The following CTNNA3 variants were observed in gnomAD, a reference collection of about 807,000 sequenced individuals.
The protein encoded by CTNNA3 is catenin alpha-3.
In CTNNA3, 76 loss-of-function variants were observed where a neutral mutation model predicts 95.7. That is an observed-to-expected ratio of 0.79 (90% CI 0.66 to 0.96). The LOEUF is 0.96. CTNNA3 is among the 40% of genes least tolerant of loss of function. The pLI, the probability that CTNNA3 is intolerant of heterozygous loss-of-function variation, is 0.00. For synonymous variants in CTNNA3, 431 were observed against 374.4 expected (o/e 1.15, Z -1.74); for missense variants, 1,191 against 1,089.8 (o/e 1.09, Z -1.31).
rs781242376 is a variant in CTNNA3 at position 67,160,361 on chromosome 10, G to A, written c.1047+19956C>T. Among the ~76,000 whole-genome samples, 11 of 150,818 alleles carry A rather than the reference G, an allele frequency of 7.3e-5. No homozygotes were observed. The South Asian group carries it at 1.5e-3, about 20-fold the overall frequency. On this transcript the variant is annotated intron_variant, in intron 7 of 17. Coordinates refer to ENST00000433211, the MANE Select transcript of CTNNA3 (RefSeq NM_013266.4). Reference sequence around the variant, plus strand: ...AAATACTATATGATCCAGCAATCCCGCATTTGGGTTTATACATGAAGAAAA... The same window carrying A: ...AAATACTATATGATCCAGCAATCCCACATTTGGGTTTATACATGAAGAAAA...
At chr10:66,211,029 C>T (rs67264974) in intron 13 of CTNNA3, among the ~76,000 whole-genome samples, 7,681 of 152,216 alleles carry the variant, frequency 0.05, 271 homozygotes, top group African/African-American at 0.078. Flanking sequence ...AGGGAAGCAA[C>T]GTTTTGGGAA....
intron 13 of CTNNA3, among the ~76,000 whole-genome samples, chr10:66,199,795 ATATATATATATTTTTTTTTT>A (rs2087246383): frequency 1.3e-4 from 2 of 15,776 alleles, no homozygotes; most frequent in Non-Finnish European, 2.7e-4. Context: ...ATATATATAT[ATATATATATATTTTTTTTTT>A]TTTTTTTTTT....
At chr10:66,081,865 C>A (rs1341493340) in intron 14 of CTNNA3, among the ~76,000 whole-genome samples, 1 of 152,108 alleles carries the variant, frequency 6.6e-6, no homozygotes, top group Non-Finnish European at 1.5e-5. Context: ...GCCTGTAATC[C>A]CAGCACTTTG....
chr10:67,520,233 C>T (rs1052905333), intron 5 of CTNNA3, among the ~76,000 whole-genome samples: 2 of 152,146 alleles, frequency 1.3e-5, no homozygotes, highest in Non-Finnish European at 1.5e-5. Context: ...TATGTATACA[C>T]TCCATGTGCT....
Position 67,743,224 on chromosome 10 carries a change from T to C in CTNNA3, c.-2+20210A>G, listed in dbSNP as rs956068025. ...AAAAGAGAATTTTAGACCAATATCC[T>C]TGATGAACATTGATGCAAAAATCCT... On this transcript the variant is annotated intron_variant, in intron 1 of 17. Transcript: ENST00000684154. Among the ~76,000 whole-genome samples, 49 of 151,234 alleles carry C rather than the reference T, an allele frequency of 3.2e-4. 1 individual carries two copies. The highest frequency in any genetic ancestry group is 2.1e-3 in the Admixed American group (32 of 15,112).
intron 1 of CTNNA3, among the ~76,000 whole-genome samples, chr10:67,708,834 A>G (rs1564837682): frequency 6.6e-6 from 1 of 152,166 alleles, no homozygotes; most frequent in Non-Finnish European, 1.5e-5. Context: ...GAATTTACAT[A>G]GTCCTCGAAC....
chr10:67,583,237 C>G (rs550560446), intron 3 of CTNNA3, among the ~76,000 whole-genome samples: 296 of 152,216 alleles, frequency 1.9e-3, no homozygotes, highest in African/African-American at 6.5e-3. Flanking sequence ...TTCAGGAGCT[C>G]TTTTAGGGCA....
chr10:65,969,215 T>C (rs1170018008), intron 16 of CTNNA3, among the ~76,000 whole-genome samples: 3 of 141,804 alleles, frequency 2.1e-5, no homozygotes, highest in African/African-American at 7.6e-5. Flanking sequence ...TAGGGAAAAA[T>C]AGATGGGAAA....
chr10:67,598,628 GAA>G (rs1464124907), intron 3 of CTNNA3, among the ~76,000 whole-genome samples: 1 of 152,140 alleles, frequency 6.6e-6, no homozygotes, highest in East Asian at 1.9e-4. Context: ...AGGACAGAAA[GAA>G]AAAAGAAACT....
chr10:66,665,793 A>G (rs2132456035), intron 9 of CTNNA3, among the ~76,000 whole-genome samples: 1 of 152,232 alleles, frequency 6.6e-6, no homozygotes, highest in East Asian at 1.9e-4. Context: ...ATCATAAAAC[A>G]CCTCTTTTGT....
intron 6 of CTNNA3, among the ~76,000 whole-genome samples, chr10:67,195,891 A>G (rs891482939): frequency 1.3e-5 from 2 of 152,078 alleles, no homozygotes; most frequent in African/African-American, 4.8e-5. Context: ...GATTGACCTG[A>G]TTTACACTGA....
intron 5 of CTNNA3, among the ~76,000 whole-genome samples, chr10:67,354,811 G>A (rs1016346859): frequency 6.6e-6 from 1 of 151,894 alleles, no homozygotes; most frequent in African/African-American, 2.4e-5. Context: ...CCATTTAATT[G>A]CTGGTCTTAC....
chr10:66,777,106 A>C (rs766843764), intron 7 of CTNNA3, among the ~76,000 whole-genome samples: 2 of 152,206 alleles, frequency 1.3e-5, no homozygotes, highest in African/African-American at 2.4e-5. Context: ...CCTCAAACTC[A>C]GGTCAACCTA....
At chr10:66,953,683 C>T (rs1029296551) in intron 7 of CTNNA3, among the ~76,000 whole-genome samples, 1 of 152,002 alleles carries the variant, frequency 6.6e-6, no homozygotes, top group African/African-American at 2.4e-5. Context: ...ATAATTTTAT[C>T]TTTGAAACTT....
intron 7 of CTNNA3, among the ~76,000 whole-genome samples, chr10:66,974,847 TTTAG>T (rs1411879173): frequency 6.6e-6 from 1 of 152,104 alleles, no homozygotes; most frequent in Non-Finnish European, 1.5e-5. Flanking sequence ...TTCATCTATA[TTTAG>T]TTGAGTTGTT....
chr10:66,245,356 T>C (rs977192229), intron 13 of CTNNA3, among the ~76,000 whole-genome samples: 2 of 152,232 alleles, frequency 1.3e-5, no homozygotes, highest in Non-Finnish European at 2.9e-5. Context: ...AGCTCCCAGG[T>C]CTGGGATCCC....
intron 5 of CTNNA3, among the ~76,000 whole-genome samples, chr10:67,376,783 AG>A (rs1843709395): frequency 6.6e-6 from 1 of 152,234 alleles, no homozygotes; most frequent in Non-Finnish European, 1.5e-5. Context: ...AACCCTCTTA[AG>A]GGAACTCTTG....
intron 7 of CTNNA3, among the ~76,000 whole-genome samples, chr10:67,040,527 T>TCCTACCCACTCTCC (rs1854327275): frequency 6.6e-6 from 1 of 152,120 alleles, no homozygotes; most frequent in Non-Finnish European, 1.5e-5. Context: ...ATTTACTCTC[T>TCCTACCCACTCTCC]CTTACCCACT....
chr10:65,937,763 T>C (rs1281914611), intron 17 of CTNNA3, among the ~76,000 whole-genome samples: 8 of 152,182 alleles, frequency 5.3e-5, no homozygotes, highest in Non-Finnish European at 1.2e-4. Flanking sequence ...TTGTACTTGA[T>C]TGTTGGCTCA....
Sources: allele counts gnomAD v4.1 joint callset (sites outside exome capture counted in the v4.1 genomes callset), GRCh38; gene constraint gnomAD v4.1.1; transcripts MANE v1.5; gene names NCBI Gene and HGNC (gene_info 2026-07-23, HGNC 2026-07-21).